RAB28: variants seen among roughly 807,000 people sequenced by gnomAD.
The protein encoded by RAB28 is ras-related protein Rab-28.
A neutral mutation model predicts 31.7 loss-of-function variants in RAB28; 24 were observed. That is an observed-to-expected ratio of 0.76 (90% CI 0.55 to 1.06). The LOEUF (loss-of-function observed/expected upper bound fraction) is 1.06, where lower values mean the gene tolerates loss of function less well. Ranked by LOEUF, RAB28 falls within the 50% of genes least tolerant of loss-of-function variation. The pLI is 0.00. For synonymous variants in RAB28, 100 were observed against 90.4 expected (o/e 1.11, Z -0.60); for missense variants, 254 against 258.5 (o/e 0.98, Z 0.12).
At chr4:13,381,263 G>A (rs537784505) in intron 5 of RAB28, among the ~76,000 whole-genome samples, 28 of 152,042 alleles carry the variant, frequency 1.8e-4, no homozygotes, top group African/African-American at 2.6e-4. Context: ...CTGACATTAC[G>A]GGTGGTTTAT....
At chr4:13,411,041 T>G (rs377645043) in intron 4 of RAB28, among the ~76,000 whole-genome samples, 4 of 151,938 alleles carry the variant, frequency 2.6e-5, no homozygotes. Flanking sequence ...CCAAACAACA[T>G]GATAAATTTC....
intron 4 of RAB28, among the ~76,000 whole-genome samples, chr4:13,435,704 C>A (rs1714058719): frequency 1.3e-5 from 2 of 152,082 alleles, no homozygotes; most frequent in Non-Finnish European, 2.9e-5. Flanking sequence ...CAGACAAAAA[C>A]AAGTTACAAA....
In RAB28 at chr4:13,369,763, T is replaced by A. The variant is rs1027138390; in HGVS notation, c.574-1113A>T. 15 of 1,076,872 alleles carry A rather than the reference T, an allele frequency of 1.4e-5. No individual in the cohort carries two copies. In the South Asian group the frequency reaches 3.4e-4, roughly 24 times the overall value. The allele number at this position is 1,076,872 out of a possible 1,614,324, so 66.7% of individuals were successfully genotyped here. On this transcript the variant is annotated intron_variant, in intron 6 of 6. Transcript: ENST00000330852. ...GACGTGATATTAACTTCCAATAATGTACAATAATCATCTGAACTTCCCTAT... is the reference window on the plus strand; with the variant it reads ...GACGTGATATTAACTTCCAATAATGAACAATAATCATCTGAACTTCCCTAT...
chr4:13,452,402 T>G (rs1715019773), intron 4 of RAB28, among the ~76,000 whole-genome samples: 1 of 152,034 alleles, frequency 6.6e-6, no homozygotes. Context: ...ATGCAGGCAT[T>G]TATTGATACA....
At chr4:13,422,570 A>G (rs1713226929) in intron 4 of RAB28, among the ~76,000 whole-genome samples, 1 of 152,258 alleles carries the variant, frequency 6.6e-6, no homozygotes. Context: ...CTATGCAGCC[A>G]TAAAAAAGGA....
rs1716514505 is a variant in RAB28, at chr4:13,479,529, A to G, written c.76-3T>C. ...GCAAAACACGTAGTTAAGGAGGTCT[A>G]AAAAATTGATGCACAGAATGTCAAA... On this transcript the variant is annotated splice_region_variant and splice_polypyrimidine_tract_variant and intron_variant, in intron 1 of 6. Transcript: ENST00000330852. The G allele has an allele frequency of 6.4e-7, 1 of 1,566,462 alleles. No homozygotes were observed. Among genetic ancestry groups the G allele is most frequent in the South Asian group, 1.1e-5 (1 of 88,860 alleles).
At chr4:13,425,138 C>T (rs1435622571) in intron 4 of RAB28, among the ~76,000 whole-genome samples, 1 of 152,146 alleles carries the variant, frequency 6.6e-6, no homozygotes, top group Non-Finnish European at 1.5e-5. Flanking sequence ...ATATTGAATC[C>T]TTCCTCCTTG....
Position 13,369,939 on chromosome 4 carries a change from C to T in RAB28, c.574-1289G>A, listed in dbSNP as rs1728655536. The T allele has an allele frequency of 6.2e-7, 1 of 1,611,772 alleles. No individual in the cohort carries two copies. The highest frequency in any genetic ancestry group is 1.3e-5 in the African/African-American group (1 of 74,636). On this transcript the variant is annotated intron_variant, in intron 6 of 6. Coordinates refer to ENST00000330852, the MANE Select transcript of RAB28 (RefSeq NM_001017979.3). ...TATGTTGATTTTCTTCTTCCGGGTACTTCACTATTTCTGCCCTGACAATAC... is the reference window on the plus strand; with the variant it reads ...TATGTTGATTTTCTTCTTCCGGGTATTTCACTATTTCTGCCCTGACAATAC...
chr4:13,416,172 G>C (rs1712768545), intron 4 of RAB28, among the ~76,000 whole-genome samples: 1 of 152,138 alleles, frequency 6.6e-6, no homozygotes, highest in Non-Finnish European at 1.5e-5. Context: ...GCCAGCAGTA[G>C]CAACCTGCTC....
At chr4:13,467,931 A>G (rs1715939332) in intron 3 of RAB28, among the ~76,000 whole-genome samples, 1 of 151,996 alleles carries the variant, frequency 6.6e-6, no homozygotes, top group Non-Finnish European at 1.5e-5. Context: ...AAAGGGATAG[A>G]AAAATAGCAT....
intron 4 of RAB28, among the ~76,000 whole-genome samples, chr4:13,382,910 G>A (rs1466963134): frequency 6.6e-6 from 1 of 152,022 alleles, no homozygotes; most frequent in Admixed American, 6.6e-5. Flanking sequence ...ACGTTGGCCA[G>A]GTTGGTCTTG....
At chr4:13,450,452 A>G (rs1444722052) in intron 4 of RAB28, among the ~76,000 whole-genome samples, 2 of 151,904 alleles carry the variant, frequency 1.3e-5, no homozygotes, top group African/African-American at 4.8e-5. Context: ...CTATATCTAC[A>G]TATGTATTTT....
intron 4 of RAB28, among the ~76,000 whole-genome samples, chr4:13,418,389 G>A (rs1712921002): frequency 6.6e-6 from 1 of 152,082 alleles, no homozygotes; most frequent in Admixed American, 6.6e-5. Flanking sequence ...TTCAAAATCA[G>A]GAAATACAGA....
chr4:13,394,058 G>A (rs902669166), intron 4 of RAB28, among the ~76,000 whole-genome samples: 1 of 152,234 alleles, frequency 6.6e-6, no homozygotes, highest in Non-Finnish European at 1.5e-5. Flanking sequence ...GTAAATAAAT[G>A]AGTCAATTAC....
chr4:13,469,741 G>A (rs1174213188), intron 3 of RAB28, among the ~76,000 whole-genome samples: 2 of 151,950 alleles, frequency 1.3e-5, no homozygotes, highest in Non-Finnish European at 2.9e-5. Context: ...CTGTTCCCCA[G>A]GCTGGAACGC....
At chr4:13,408,731 A>G (rs952675611) in intron 4 of RAB28, among the ~76,000 whole-genome samples, 2 of 152,140 alleles carry the variant, frequency 1.3e-5, no homozygotes, top group Admixed American at 1.3e-4. Flanking sequence ...TTTTTTCTTC[A>G]TAAGTTCCTG....
intron 6 of RAB28, chr4:13,370,416 C>G: frequency 1.2e-6 from 1 of 850,354 alleles, no homozygotes; most frequent in Non-Finnish European, 1.4e-6. Flanking sequence ...GCCAGTCACT[C>G]TATACTGTGA....
chr4:13,444,146 G>A (rs1714569885), intron 4 of RAB28, among the ~76,000 whole-genome samples: 2 of 151,606 alleles, frequency 1.3e-5, no homozygotes, highest in African/African-American at 2.4e-5. Flanking sequence ...TCCTGCCTCA[G>A]CCTCCCGAGT....
At chr4:13,378,582 C>A in intron 5 of RAB28, among the ~76,000 whole-genome samples, 1 of 151,996 alleles carries the variant, frequency 6.6e-6, no homozygotes, top group East Asian at 1.9e-4. Flanking sequence ...ATAATATTTT[C>A]TGTGTTGAAA....
Sources: allele counts gnomAD v4.1 joint callset (sites outside exome capture counted in the v4.1 genomes callset), GRCh38; gene constraint gnomAD v4.1.1; transcripts MANE v1.5; gene names NCBI Gene and HGNC (gene_info 2026-07-23, HGNC 2026-07-21).